The following GPR55 variants were observed in gnomAD, a reference collection of about 807,000 sequenced individuals.
GPR55 encodes the protein G protein-coupled receptor 55, also known as G-protein coupled receptor 55.
GPR55 carries 6 observed loss-of-function variants against 7.9 expected under a neutral mutation model. The ratio of observed to expected loss-of-function variants is 0.76; its 90% CI spans 0.41 to 1.49. GPR55 has a LOEUF of 1.49. Ranked by LOEUF, GPR55 falls within the 40% of genes most tolerant of loss-of-function variation. The pLI, the probability that GPR55 is intolerant of heterozygous loss-of-function variation, is 0.01. For synonymous variants in GPR55, 183 were observed against 166.8 expected (o/e 1.10, Z -0.75); for missense variants, 376 against 406.0 (o/e 0.93, Z 0.63).
At chr2:230,956,032 A>G (rs1273487654) in intron 1 of GPR55, among the ~76,000 whole-genome samples, 2 of 151,858 alleles carry the variant, frequency 1.3e-5, no homozygotes, top group Non-Finnish European at 2.9e-5. Flanking sequence ...CAACTACACC[A>G]GTGTCTTTAA....
At chr2:230,958,062 G>A in intron 1 of GPR55, 1 of 258,446 alleles carries the variant, frequency 3.9e-6, no homozygotes, top group Non-Finnish European at 8.1e-6. Context: ...AGTAAATAAA[G>A]TTTAAGTTGT....
intron 1 of GPR55, among the ~76,000 whole-genome samples, chr2:230,947,828 TTG>T (rs2125068520): frequency 6.6e-6 from 1 of 152,136 alleles, no homozygotes; most frequent in Admixed American, 6.6e-5. Flanking sequence ...TAAAGTACCA[TTG>T]TGTTCAACTT....
intron 1 of GPR55, among the ~76,000 whole-genome samples, chr2:230,949,186 C>T (rs1049199276): frequency 6.6e-5 from 10 of 151,816 alleles, no homozygotes; most frequent in East Asian, 3.9e-4. Context: ...TTCTTTGAGA[C>T]GGAGTTTCAC....
At chr2:230,952,534 C>T (rs1018796617) in intron 1 of GPR55, among the ~76,000 whole-genome samples, 1 of 152,216 alleles carries the variant, frequency 6.6e-6, no homozygotes, top group African/African-American at 2.4e-5. Flanking sequence ...GCTGACACCT[C>T]TACAGCCTCT....
At chr2:230,914,261 G>A (rs1396419367) in intron 1 of GPR55, among the ~76,000 whole-genome samples, 2 of 152,194 alleles carry the variant, frequency 1.3e-5, no homozygotes, top group Non-Finnish European at 1.5e-5. Context: ...ACAGTAGCAG[G>A]TATATTCATA....
chr2:230,960,767 C>T (rs998374647), intron 1 of GPR55: 3 of 152,178 alleles, frequency 2.0e-5, no homozygotes, highest in South Asian at 2.1e-4. Flanking sequence ...CAGAGAACCA[C>T]GACTTACCTT....
chr2:230,925,609 A>C (rs1461847609), upstream of GPR55, among the ~76,000 whole-genome samples: 1 of 152,208 alleles, frequency 6.6e-6, no homozygotes, highest in African/African-American at 2.4e-5. Context: ...AGGGGCAGCC[A>C]TTCTCAGCAC....
chr2:230,913,286 C>T (rs1170663531), intron 1 of GPR55, among the ~76,000 whole-genome samples: 1 of 152,170 alleles, frequency 6.6e-6, no homozygotes, highest in Non-Finnish European at 1.5e-5. Context: ...TGTTTCTCAT[C>T]ACTATTGGGC....
rs78852271 is a variant in GPR55, at chr2:230,941,941, A to G, written c.-135+18834T>C. On this transcript the variant is annotated intron_variant, in intron 1 of 1. Transcript: ENST00000392039. ...TGAGTTATTGACTGATCATTGAGAG[A>G]TGGCCCTTTGTTCTCCAGCCCAGGG... 8.9e-3 allele frequency among the ~76,000 whole-genome samples: 1,361 copies of G among 152,292 alleles called. 21 individuals carry two copies. The highest frequency in any genetic ancestry group is 0.031 in the African/African-American group (1,280 of 41,554).
At chr2:230,945,748 A>AT (rs376249408) in intron 1 of GPR55, among the ~76,000 whole-genome samples, 2,110 of 152,032 alleles carry the variant, frequency 0.014, 49 homozygotes, top group African/African-American at 0.048. Context: ...CACTTTTTGT[A>AT]TTTTTTGTAG....
At position 230,910,177 on chromosome 2, in the gene GPR55, G is replaced by A; in HGVS notation, c.786C>T (p.Ala262=). ...GCAAGAAGAAGCTGATGCTCTGCTTGGCTCTGCACTCTACGATAAAGCTGT... is the reference window on the plus strand; with the variant it reads ...GCAAGAAGAAGCTGATGCTCTGCTTAGCTCTGCACTCTACGATAAAGCTGT... ...VRNSFIVECR[A]KQSISFFLQL... The change falls in exon 2 of 2, where the codon GCC becomes GCT. Residue 262 remains alanine, a synonymous_variant. Coordinates refer to ENST00000650999, the MANE Select transcript of GPR55 (RefSeq NM_005683.4). The surrounding 1 kb of genome is among the most constrained non-coding windows in gnomAD (Gnocchi z 5.4). 1 of 1,614,122 alleles carries A rather than the reference G, an allele frequency of 6.2e-7. No individual in the cohort carries two copies. Among genetic ancestry groups the A allele is most frequent in the Non-Finnish European group, 8.5e-7 (1 of 1,179,946 alleles).
chr2:230,917,808 C>T lies in GPR55; in HGVS notation c.-134-6712G>A, dbSNP rs566279519. Among the ~76,000 whole-genome samples the T allele has an allele frequency of 3.9e-5, 6 of 152,062 alleles. No homozygotes were observed. The South Asian group carries it at 1.2e-3, about 32-fold the overall frequency. ...TTAGCCTGGGCAACAAAGTAAGACC[C>T]TGTTTATATAAATTCTGTCTCAAAA... is the stretch of plus-strand genomic sequence containing the variant. On this transcript the variant is annotated intron_variant, in intron 1 of 1. Transcript: ENST00000650999.
rs1276744183 is a variant in GPR55, at chr2:230,908,191, C to T, written c.*1812G>A. 6.5e-6 allele frequency: 1 copy of T among 152,716 alleles called. No individual in the cohort carries two copies. The highest frequency in any genetic ancestry group is 1.5e-5 in the Non-Finnish European group (1 of 68,490). The allele number at this position is 152,716 out of a possible 1,614,324, so 9.5% of individuals were successfully genotyped here. On this transcript the variant is annotated 3_prime_UTR_variant, in exon 2 of 2. Transcript: ENST00000650999. Reference sequence around the variant, plus strand: ...TCTGTGGCTGTGGTTCTTAGAGGCCCAGCTCAGGGGGCCTGAGCCTCCGAT... The same window carrying T: ...TCTGTGGCTGTGGTTCTTAGAGGCCTAGCTCAGGGGGCCTGAGCCTCCGAT...
upstream of GPR55, among the ~76,000 whole-genome samples, chr2:230,925,588 G>A (rs1381447771): frequency 6.6e-6 from 1 of 152,178 alleles, no homozygotes; most frequent in Non-Finnish European, 1.5e-5. Context: ...ACCCTAACAG[G>A]GGCACCACAC....
chr2:230,947,287 T>A (rs1691333215), intron 1 of GPR55, among the ~76,000 whole-genome samples: 1 of 151,186 alleles, frequency 6.6e-6, no homozygotes, highest in African/African-American at 2.5e-5. Flanking sequence ...GCAGCAAAGC[T>A]GGAGCCTGCC....
In GPR55 at chr2:230,944,230, G is replaced by A. The variant is rs1394559445; in HGVS notation, c.-135+16545C>T. Among the ~76,000 whole-genome samples, 1 of 152,248 alleles carries A rather than the reference G, an allele frequency of 6.6e-6. No homozygotes were observed. Among genetic ancestry groups the A allele is most frequent in the African/African-American group, 2.4e-5 (1 of 41,462 alleles). ...GGACATTGGACAGGGCAAAGCTGTG[G>A]TGTGGAAAGGGGCAAATCCACATCC... On this transcript the variant is annotated intron_variant, in intron 1 of 1. Coordinates refer to the GPR55 transcript ENST00000392039. The surrounding 1 kb of genome is among the most constrained non-coding windows in gnomAD (Gnocchi z 4.2).
At chr2:230,958,830 A>G (rs138458677) in intron 1 of GPR55, among the ~76,000 whole-genome samples, 1 of 152,290 alleles carries the variant, frequency 6.6e-6, no homozygotes, top group East Asian at 1.9e-4. Context: ...CATTGACCAT[A>G]TTTTCTGAAT....
chr2:230,951,906 A>G (rs911912505), intron 1 of GPR55, among the ~76,000 whole-genome samples: 1 of 150,402 alleles, frequency 6.6e-6, no homozygotes, highest in African/African-American at 2.5e-5. Flanking sequence ...CTACAGGTAC[A>G]TACCACCAGG....
At chr2:230,955,474 C>A (rs914535720) in intron 1 of GPR55, among the ~76,000 whole-genome samples, 4 of 152,230 alleles carry the variant, frequency 2.6e-5, no homozygotes, top group Non-Finnish European at 4.4e-5. Context: ...CAGACACAGG[C>A]TTTTCTCACC....
Sources: gnomAD v4.1 joint callset for allele counts (sites outside exome capture counted in the v4.1 genomes callset) on GRCh38, gnomAD v4.1.1 for gene constraint, Gnocchi (gnomAD v3.1) non-coding constraint, MANE v1.5 for transcripts, NCBI Gene and HGNC (gene_info 2026-07-23, HGNC 2026-07-21) for gene names.